NPRL3: variants seen among roughly 807,000 people sequenced by gnomAD.
NPRL3 encodes the protein NPR3 like, GATOR1 complex subunit.
In NPRL3, 23 loss-of-function variants were observed where a neutral mutation model predicts 57.2. That is an observed-to-expected ratio of 0.40 (90% CI 0.29 to 0.57). The LOEUF (loss-of-function observed/expected upper bound fraction) is 0.57, where lower values mean the gene tolerates loss of function less well. Ranked by LOEUF, NPRL3 falls within the 20% of genes least tolerant of loss-of-function variation. The probability of loss-of-function intolerance (pLI) is 0.42; values close to 1 mark genes in which losing one functional copy is unlikely to be tolerated. For synonymous variants in NPRL3, 333 were observed against 321.1 expected (o/e 1.04, Z -0.39); for missense variants, 691 against 767.1 (o/e 0.90, Z 1.17).
At chr16:136,664 T>C (rs969173241) in intron 2 of NPRL3, among the ~76,000 whole-genome samples, 7 of 141,784 alleles carry the variant, frequency 4.9e-5, no homozygotes, top group Non-Finnish European at 7.5e-5. Context: ...CACTCCAGCC[T>C]GGCAAGACTG....
Position 91,917 on chromosome 16 carries a change from A to G in NPRL3, c.1161+679T>C, listed in dbSNP as rs1277695831. 1.3e-5 allele frequency among the ~76,000 whole-genome samples: 2 copies of G among 152,162 alleles called. 1 individual carries two copies. Among genetic ancestry groups the G allele is most frequent in the South Asian group, 4.1e-4 (2 of 4,824 alleles). On this transcript the variant is annotated intron_variant, in intron 11 of 13. Transcript: ENST00000611875. ...GGCAAAGCCACCTCAGCACAAGGCT[A>G]TGACACCTGCAGCCCACAGGGGAAG...
intron 3 of NPRL3, among the ~76,000 whole-genome samples, chr16:122,413 T>C (rs972268237): frequency 2.0e-5 from 3 of 152,202 alleles, no homozygotes; most frequent in African/African-American, 4.8e-5. Context: ...ATACTTTATA[T>C]AGTCTGTCTG....
intron 2 of NPRL3, among the ~76,000 whole-genome samples, chr16:134,917 G>C (rs1326275059): frequency 2.0e-5 from 3 of 151,390 alleles, no homozygotes; most frequent in African/African-American, 7.3e-5. Context: ...TAGCCAGGAT[G>C]GTCTCGATCT....
chr16:99,275 A>T (rs1306287501), intron 8 of NPRL3, among the ~76,000 whole-genome samples: 7 of 152,220 alleles, frequency 4.6e-5, no homozygotes, highest in Admixed American at 6.5e-5. Flanking sequence ...TTTTATAATT[A>T]AAAAATGTTC....
At chr16:128,344 C>A (rs1215083623) in intron 3 of NPRL3, among the ~76,000 whole-genome samples, 1 of 152,194 alleles carries the variant, frequency 6.6e-6, no homozygotes, top group Admixed American at 6.5e-5. Context: ...TAGTGAGCAG[C>A]ACGGCTGTGT....
intron 7 of NPRL3, among the ~76,000 whole-genome samples, chr16:101,169 G>A (rs1043412125): frequency 4.6e-5 from 7 of 152,094 alleles, no homozygotes; most frequent in Admixed American, 1.3e-4. Flanking sequence ...CCAACACCCA[G>A]AGTACATCCT....
chr16:99,868 C>T (rs531783055), intron 8 of NPRL3, among the ~76,000 whole-genome samples: 7 of 141,264 alleles, frequency 5.0e-5, no homozygotes, highest in East Asian at 2.1e-4. Flanking sequence ...GGGAGGTGGA[C>T]GTAGTGGTGA....
chr16:129,084 C>G (rs1256252095), intron 3 of NPRL3, among the ~76,000 whole-genome samples: 8 of 152,210 alleles, frequency 5.3e-5, no homozygotes, highest in African/African-American at 1.9e-4. Flanking sequence ...AATTAATTCC[C>G]TAGAAAATAT....
intron 2 of NPRL3, among the ~76,000 whole-genome samples, chr16:137,533 C>T (rs1901157666): frequency 6.6e-6 from 1 of 151,664 alleles, no homozygotes. Context: ...GCAAAGACAA[C>T]TTCAGATGTT....
chr16:116,797 C>CCCCT (rs999833541), intron 5 of NPRL3, among the ~76,000 whole-genome samples: 1 of 143,752 alleles, frequency 7.0e-6, no homozygotes, highest in African/African-American at 2.6e-5. Flanking sequence ...ACCCCCCCCC[C>CCCCT]CCACCGATCT....
At chr16:119,926 G>A (rs894251151) in intron 3 of NPRL3, among the ~76,000 whole-genome samples, 4 of 152,216 alleles carry the variant, frequency 2.6e-5, no homozygotes, top group African/African-American at 7.2e-5. Context: ...TGGGTGCCAC[G>A]GAGAAGTGGG....
At chr16:138,010 T>TG in intron 2 of NPRL3, 140 bp downstream of exon 2, 1 of 632,598 alleles carries the variant, frequency 1.6e-6, no homozygotes, top group Non-Finnish European at 2.8e-6. Context: ...TTTTCCTTTT[T>TG]CTACTTTTCA....
intron 3 of NPRL3, among the ~76,000 whole-genome samples, chr16:128,003 T>C (rs1214748436): frequency 6.6e-6 from 1 of 151,100 alleles, no homozygotes; most frequent in African/African-American, 2.4e-5. Context: ...TCTTTTTTTT[T>C]TTTTTTGAGA....
At chr16:105,100 C>T (rs1238878387) in intron 7 of NPRL3, among the ~76,000 whole-genome samples, 2 of 152,180 alleles carry the variant, frequency 1.3e-5, no homozygotes, top group Non-Finnish European at 2.9e-5. Flanking sequence ...TATCCAGCCC[C>T]TCACACAGCT....
In NPRL3 at chr16:89,765, C is replaced by A. The variant is rs749182879; in HGVS notation, c.1299G>T (p.Arg433=). The part of the protein sequence containing the change: ...PREDDVPFTA[R]VGGRSLSTPN... ...GCGTGCTGAGGCTGCGACCGCCGAC[C>A]CGGGCAGTGAAGGGGACGTCGTCCT... The change falls in exon 12 of 14, where the codon CGG becomes CGT. Residue 433 remains arginine, a synonymous_variant. Coordinates refer to ENST00000611875, the MANE Select transcript of NPRL3 (RefSeq NM_001077350.3). 1 of 1,598,808 alleles carries A rather than the reference C, an allele frequency of 6.3e-7. No homozygotes were observed. Among genetic ancestry groups the A allele is most frequent in the Admixed American group, 1.7e-5 (1 of 57,966 alleles).
rs2541619 is a variant in NPRL3, at chr16:89,439, G to C, written c.1351+274C>G. The C allele has an allele frequency of 0.066, 28,551 of 434,478 alleles. 3,155 individuals carry two copies. The highest frequency in any genetic ancestry group is 0.34 in the African/African-American group (16,390 of 48,214). 26.9% of individuals were successfully genotyped at this position (434,478 alleles called of 1,614,324 possible). On this transcript the variant is annotated intron_variant, in intron 12 of 13. Coordinates refer to ENST00000611875, the MANE Select transcript of NPRL3 (RefSeq NM_001077350.3). ...GAGATCCTGCTCTGCTCCCAGGCTGGGGCAGAGATTCCAGCACTGATTTGC... is the reference window on the plus strand; with the variant it reads ...GAGATCCTGCTCTGCTCCCAGGCTGCGGCAGAGATTCCAGCACTGATTTGC...
At chr16:96,539 G>A (rs1040930437) in intron 9 of NPRL3, among the ~76,000 whole-genome samples, 7 of 151,750 alleles carry the variant, frequency 4.6e-5, no homozygotes, top group Non-Finnish European at 1.0e-4. Context: ...AGCTGGGCAT[G>A]GTGGCTCATG....
chr16:129,145 A>G (rs1900677568), intron 3 of NPRL3, among the ~76,000 whole-genome samples: 1 of 152,204 alleles, frequency 6.6e-6, no homozygotes. Flanking sequence ...GGAATTAGGT[A>G]CTGCCAGCCT....
At chr16:104,270 G>A (rs748351963) in intron 7 of NPRL3, among the ~76,000 whole-genome samples, 1 of 152,150 alleles carries the variant, frequency 6.6e-6, no homozygotes. Flanking sequence ...TCCAGCCTGG[G>A]TGACAGAGCA....
Sources: allele counts gnomAD v4.1 joint callset (sites outside exome capture counted in the v4.1 genomes callset), GRCh38; gene constraint gnomAD v4.1.1; transcripts MANE v1.5; gene names NCBI Gene and HGNC (gene_info 2026-07-23, HGNC 2026-07-21).